FBRSL1: variants seen among roughly 807,000 people sequenced by gnomAD.
FBRSL1 encodes the protein fibrosin-1-like protein.
Under a neutral mutation model 89.6 loss-of-function variants are expected in FBRSL1, and 51 were observed. That is an observed-to-expected ratio of 0.57 (90% CI 0.45 to 0.72). The LOEUF (loss-of-function observed/expected upper bound fraction) is 0.72. FBRSL1 is among the 30% of genes least tolerant of loss of function. The pLI, the probability that FBRSL1 is intolerant of heterozygous loss-of-function variation, is 0.00. For missense variants in FBRSL1, 1,618 were observed against 1,451.8 expected (o/e 1.11, Z -1.86); for synonymous variants, 779 against 681.1 (o/e 1.14, Z -2.24).
chr12:132,509,166 G>A, intron 2 of FBRSL1: 1 of 1,243,808 alleles, frequency 8.0e-7, no homozygotes, highest in Non-Finnish European at 1.0e-6. Flanking sequence ...TTCCATGCAG[G>A]TGTGCTCCCC....
In FBRSL1 at chr12:132,525,628, G is replaced by A. The variant is rs556213848; in HGVS notation, c.490-106G>A. 387 of 885,142 alleles carry A rather than the reference G, an allele frequency of 4.4e-4. 1 individual carries two copies. In the African/African-American group the frequency reaches 5.7e-3, roughly 13 times the overall value. 54.8% of individuals were successfully genotyped at this position (885,142 alleles called of 1,614,324 possible). A position where few individuals can be genotyped will look rare whatever the true frequency, so the allele number is the denominator to read the frequency against. On this transcript the variant is annotated intron_variant, in intron 2 of 18. Transcript: ENST00000680143. ...AGCGGCTGTCGGGGCGCCTGGGGCC[G>A]GGGTGCTGGGGTGCCGGGAGCAGGC... is the stretch of plus-strand genomic sequence containing the variant.
chr12:132,581,154 C>T, intron 15 of FBRSL1: 2 of 985,386 alleles, frequency 2.0e-6, no homozygotes, highest in Non-Finnish European at 2.4e-6. Context: ...GCCCAAGTTG[C>T]AGCCCCTTTG....
chr12:132,550,559 G>A (rs1042090447), intron 5 of FBRSL1, among the ~76,000 whole-genome samples: 7 of 152,122 alleles, frequency 4.6e-5, no homozygotes, highest in Non-Finnish European at 8.8e-5. Flanking sequence ...CCGTCAGCCT[G>A]TCCGTCTGTG....
At chr12:132,533,100 T>A (rs1296460671) in intron 4 of FBRSL1, among the ~76,000 whole-genome samples, 1 of 150,858 alleles carries the variant, frequency 6.6e-6, no homozygotes, top group Non-Finnish European at 1.5e-5. Flanking sequence ...CAACCCAGCC[T>A]CTCCCTGGAG....
chr12:132,500,354 C>T (rs982933668), intron 1 of FBRSL1, among the ~76,000 whole-genome samples: 2 of 152,094 alleles, frequency 1.3e-5, no homozygotes, highest in South Asian at 2.1e-4. Flanking sequence ...CGCACAGAGC[C>T]GTGCAGTCAC....
intron 2 of FBRSL1, chr12:132,510,997 A>G (rs2034273869): frequency 1.0e-6 from 1 of 987,052 alleles, no homozygotes; most frequent in Non-Finnish European, 1.2e-6. Context: ...CGTGCTGGGC[A>G]TGAAGGATCT....
At chr12:132,556,731 T>C (rs28449992) in intron 5 of FBRSL1, among the ~76,000 whole-genome samples, 787 of 28,146 alleles carry the variant, frequency 0.028, 69 homozygotes, top group Middle Eastern at 0.17. Context: ...TGGGACGCTC[T>C]TCTTCAGGCC....
intron 9 of FBRSL1, 96 bp from the exon 10 acceptor site, chr12:132,572,182 CACAACGCCGT>C: frequency 9.7e-7 from 1 of 1,034,416 alleles, no homozygotes; most frequent in East Asian, 2.6e-5. Context: ...CCTCAGGAAG[CACAACGCCGT>C]CCTGTCACTG....
At chr12:132,576,663 C>T (rs528241078) in intron 14 of FBRSL1, 136 bp from the exon 15 acceptor site, 25 of 1,004,722 alleles carry the variant, frequency 2.5e-5, no homozygotes, top group Non-Finnish European at 2.9e-5. Context: ...GTAGAGAATA[C>T]ACCCTTGAAA....
chr12:132,495,732 G>A (rs978298223), intron 1 of FBRSL1, among the ~76,000 whole-genome samples: 23 of 152,354 alleles, frequency 1.5e-4, no homozygotes, highest in Admixed American at 9.1e-4. Flanking sequence ...TGCTCCCTCC[G>A]GGGAGGTGGA....
chr12:132,555,957 C>T (rs2038600193), intron 5 of FBRSL1, among the ~76,000 whole-genome samples: 1 of 152,152 alleles, frequency 6.6e-6, no homozygotes, highest in African/African-American at 2.4e-5. Context: ...CGCTGCCATC[C>T]AGGGCCTCGG....
At chr12:132,577,247 C>T (rs116522775) in intron 15 of FBRSL1, among the ~76,000 whole-genome samples, 2,991 of 152,218 alleles carry the variant, frequency 0.02, 91 homozygotes, top group African/African-American at 0.064. Flanking sequence ...CCACGCCACA[C>T]GGCTCTGAGG....
chr12:132,507,356 C>T (rs2033810354), intron 1 of FBRSL1: 3 of 985,350 alleles, frequency 3.0e-6, no homozygotes, highest in Non-Finnish European at 3.6e-6. Context: ...CTGCACCAGC[C>T]CTGGTGCCAG....
intron 10 of FBRSL1, 89 bp from the exon 11 acceptor site, chr12:132,572,438 C>T (rs2040095366): frequency 1.3e-6 from 2 of 1,507,160 alleles, no homozygotes; most frequent in South Asian, 1.2e-5. Context: ...TGGCCTCGCC[C>T]CTGCTGCATT....
intron 4 of FBRSL1, among the ~76,000 whole-genome samples, chr12:132,531,504 C>A (rs2036275879): frequency 1.3e-5 from 2 of 151,932 alleles, no homozygotes; most frequent in South Asian, 4.1e-4. Context: ...CTGTGCGTTG[C>A]CTTGTAGAAC....
At chr12:132,500,936 C>T (rs2032866144) in intron 1 of FBRSL1, among the ~76,000 whole-genome samples, 2 of 152,222 alleles carry the variant, frequency 1.3e-5, no homozygotes, top group African/African-American at 2.4e-5. Context: ...TCGGCCAGAC[C>T]CTCATCCCAT....
rs117530847 is a variant in FBRSL1 at position 132,580,880 on chromosome 12, C to G, written c.1835-559C>G. ...GCAGCAGCCCCTCCCAGGGCCCGGGCCCAGGCCCCACACGGTTGCTCTCCA... is the reference window on the plus strand; with the variant it reads ...GCAGCAGCCCCTCCCAGGGCCCGGGGCCAGGCCCCACACGGTTGCTCTCCA... On this transcript the variant is annotated intron_variant, in intron 15 of 18. Coordinates refer to ENST00000680143, the MANE Select transcript of FBRSL1 (RefSeq NM_001367871.1). 2,739 of 984,808 alleles carry G rather than the reference C, an allele frequency of 2.8e-3. 8 individuals carry two copies. The highest frequency in any genetic ancestry group is 3.0e-3 in the Non-Finnish European group (2,490 of 829,370). 61.0% of individuals were successfully genotyped at this position (984,808 alleles called of 1,614,324 possible). A position where few individuals can be genotyped will look rare whatever the true frequency, so the allele number is the denominator to read the frequency against.
At chr12:132,544,684 G>A (rs2037534210) in intron 4 of FBRSL1, among the ~76,000 whole-genome samples, 2 of 152,022 alleles carry the variant, frequency 1.3e-5, no homozygotes, top group African/African-American at 4.8e-5. Context: ...TGGTGGTAAT[G>A]AGGATGGTGT....
intron 5 of FBRSL1, chr12:132,554,521 A>C (rs550365029): frequency 3.9e-5 from 6 of 152,380 alleles, no homozygotes; most frequent in Admixed American, 3.3e-4. Flanking sequence ...CTTTTCTAAA[A>C]TGTGCAATTG....
Sources: gnomAD v4.1 joint callset for allele counts (sites outside exome capture counted in the v4.1 genomes callset) on GRCh38, gnomAD v4.1.1 for gene constraint, MANE v1.5 for transcripts, NCBI Gene and HGNC (gene_info 2026-07-23, HGNC 2026-07-21) for gene names.